Variants in EML4 observed in about 807,000 individuals in gnomAD.
EML4 encodes the protein EMAP like 4.
A neutral mutation model predicts 129.0 loss-of-function variants in EML4; 72 were observed. The ratio of observed to expected loss-of-function variants is 0.56; its 90% CI spans 0.46 to 0.68. The LOEUF is 0.68. Among genes scored for constraint, EML4 ranks in the 30% least tolerant of loss-of-function variants. The pLI is 0.00. For synonymous variants in EML4, 532 were observed against 405.0 expected, an observed-to-expected ratio of 1.31 and a Z score of -3.77; for missense variants, 1,363 against 1,190.6, an observed-to-expected ratio of 1.14 and a Z score of -2.13.
chr2:42,230,381 A>G (rs960411725), intron 1 of EML4, among the ~76,000 whole-genome samples: 1 of 152,102 alleles, frequency 6.6e-6, no homozygotes, highest in Non-Finnish European at 1.5e-5. Flanking sequence ...ACACTTACCT[A>G]TTAGCTCAAC....
chr2:42,217,526 C>G (rs979886809), intron 1 of EML4, among the ~76,000 whole-genome samples: 1 of 152,102 alleles, frequency 6.6e-6, no homozygotes, highest in African/African-American at 2.4e-5. Context: ...TAATATTTGT[C>G]TTTTAGGCTT....
At chr2:42,210,811 T>G (rs554754136) in intron 1 of EML4, among the ~76,000 whole-genome samples, 1 of 152,350 alleles carries the variant, frequency 6.6e-6, no homozygotes. Flanking sequence ...AAAACTCTTT[T>G]GAGAACTTCC....
chr2:42,211,846 C>T (rs953138623), intron 1 of EML4, among the ~76,000 whole-genome samples: 3 of 151,918 alleles, frequency 2.0e-5, no homozygotes, highest in Non-Finnish European at 4.4e-5. Context: ...CTTTTTCTTT[C>T]TTTCTTTTTT....
At chr2:42,264,810 C>A in intron 6 of EML4, 79 bp downstream of exon 6, 2 of 1,389,454 alleles carry the variant, frequency 1.4e-6, no homozygotes, top group South Asian at 1.3e-5. Flanking sequence ...ATATTTTCAT[C>A]CAGTGCACTT....
At chr2:42,213,450 C>T (rs1672997193) in intron 1 of EML4, among the ~76,000 whole-genome samples, 1 of 152,242 alleles carries the variant, frequency 6.6e-6, no homozygotes, top group East Asian at 1.9e-4. Context: ...AGTCCATTTA[C>T]CCAGTCTCCT....
chr2:42,184,400 A>G (rs1282156963), intron 1 of EML4, among the ~76,000 whole-genome samples: 1 of 104,570 alleles, frequency 9.6e-6, no homozygotes, highest in Non-Finnish European at 1.8e-5. Context: ...CCACCCCACA[A>G]CAGGCCCCGG....
intron 1 of EML4, among the ~76,000 whole-genome samples, chr2:42,182,029 C>T (rs1265650524): frequency 6.6e-6 from 1 of 151,562 alleles, no homozygotes; most frequent in Non-Finnish European, 1.5e-5. Context: ...CATATAGTTA[C>T]TTCCCCAACA....
At chr2:42,276,393 C>G (rs1666658919) in intron 6 of EML4, among the ~76,000 whole-genome samples, 2 of 151,962 alleles carry the variant, frequency 1.3e-5, no homozygotes, top group Admixed American at 1.3e-4. Flanking sequence ...ATACAGTGTC[C>G]CCACCCTCAG....
At chr2:42,220,005 T>G (rs974652831) in intron 1 of EML4, among the ~76,000 whole-genome samples, 1 of 150,824 alleles carries the variant, frequency 6.6e-6, no homozygotes, top group African/African-American at 2.4e-5. Context: ...GCTTAAGGGG[T>G]GGCAGTTTGG....
At chr2:42,324,788 C>T (rs1168477482) in intron 19 of EML4, among the ~76,000 whole-genome samples, 1 of 152,176 alleles carries the variant, frequency 6.6e-6, no homozygotes, top group Non-Finnish European at 1.5e-5. Context: ...ATACGTGAAG[C>T]CAACAAAAAT....
At chr2:42,184,514 G>A (rs1671132681) in intron 1 of EML4, among the ~76,000 whole-genome samples, 1 of 151,664 alleles carries the variant, frequency 6.6e-6, no homozygotes, top group African/African-American at 2.4e-5. Flanking sequence ...CTGCCACCTG[G>A]CTCTCACCTA....
intron 14 of EML4, among the ~76,000 whole-genome samples, chr2:42,302,603 G>A (rs998634184): frequency 6.7e-6 from 1 of 149,666 alleles, no homozygotes; most frequent in Non-Finnish European, 1.5e-5. Context: ...GCCCAGTCTT[G>A]GCTAACTGCA....
intron 1 of EML4, among the ~76,000 whole-genome samples, chr2:42,243,921 T>A (rs1675197834): frequency 6.6e-6 from 1 of 152,130 alleles, no homozygotes; most frequent in Non-Finnish European, 1.5e-5. Flanking sequence ...ACTGAAACAG[T>A]CATTTAAATG....
intron 17 of EML4, among the ~76,000 whole-genome samples, chr2:42,312,327 CG>C (rs1398087686): frequency 6.6e-6 from 1 of 152,020 alleles, no homozygotes; most frequent in Non-Finnish European, 1.5e-5. Flanking sequence ...TGGTTCAGGC[CG>C]TAACAGGAAG....
intron 2 of EML4, among the ~76,000 whole-genome samples, chr2:42,253,373 C>G (rs764241300): frequency 6.6e-6 from 1 of 152,154 alleles, no homozygotes; most frequent in Non-Finnish European, 1.5e-5. Flanking sequence ...TTTAACATCT[C>G]TGAAATTACG....
intron 7 of EML4, among the ~76,000 whole-genome samples, chr2:42,282,146 T>TA (rs965194468): frequency 6.6e-6 from 1 of 151,592 alleles, no homozygotes; most frequent in African/African-American, 2.4e-5. Flanking sequence ...GTCTTTTTTT[T>TA]ACCCCCCCAC....
chr2:42,193,653 C>G (rs1671727723), intron 1 of EML4, among the ~76,000 whole-genome samples: 1 of 151,372 alleles, frequency 6.6e-6, no homozygotes, highest in African/African-American at 2.4e-5. Context: ...CTTTTGTCAT[C>G]TATCTATTGA....
chr2:42,278,170 C>G (rs894988269), intron 6 of EML4, among the ~76,000 whole-genome samples: 2 of 152,160 alleles, frequency 1.3e-5, no homozygotes, highest in African/African-American at 4.8e-5. Flanking sequence ...GTAACCATTT[C>G]ACAATCACCA....
intron 1 of EML4, among the ~76,000 whole-genome samples, chr2:42,200,956 C>G (rs772316870): frequency 6.6e-6 from 1 of 152,158 alleles, no homozygotes; most frequent in Non-Finnish European, 1.5e-5. Context: ...CTGCTGTATT[C>G]TCCTAAGGAT....
Sources: gnomAD v4.1 joint callset for allele counts (sites outside exome capture counted in the v4.1 genomes callset) on GRCh38, gnomAD v4.1.1 for gene constraint, MANE v1.5 for transcripts, NCBI Gene and HGNC (gene_info 2026-07-23, HGNC 2026-07-21) for gene names.